Variants in WDR1 observed in about 807,000 individuals in gnomAD.
The protein encoded by WDR1 is WD repeat-containing protein 1.
In WDR1, 21 loss-of-function variants were observed where a neutral mutation model predicts 71.9. That is an observed-to-expected ratio of 0.29 (90% CI 0.21 to 0.42). The LOEUF is 0.42. WDR1 is among the 10% of genes least tolerant of loss of function. WDR1 has a pLI of 1.00. For missense variants in WDR1, 696 were observed against 824.5 expected (o/e 0.84, Z 1.91); for synonymous variants, 424 against 347.4 (o/e 1.22, Z -2.45).
intron 2 of WDR1, among the ~76,000 whole-genome samples, chr4:10,112,903 G>T (rs1489243876): frequency 6.6e-6 from 1 of 152,258 alleles, no homozygotes; most frequent in Non-Finnish European, 1.5e-5. Flanking sequence ...CCAGTTAGGG[G>T]GACAGGCAGA....
At chr4:10,082,697 C>T (rs191604874) in intron 10 of WDR1, among the ~76,000 whole-genome samples, 64 of 152,298 alleles carry the variant, frequency 4.2e-4, no homozygotes, top group Non-Finnish European at 6.9e-4. Flanking sequence ...CTCCACTGTA[C>T]CCGCCTTTAC....
At chr4:10,091,286 T>C (rs564510255) in intron 5 of WDR1, among the ~76,000 whole-genome samples, 2 of 152,254 alleles carry the variant, frequency 1.3e-5, no homozygotes, top group Non-Finnish European at 2.9e-5. Flanking sequence ...TCTTCTTTGC[T>C]TAAATGGTCT....
intron 8 of WDR1, among the ~76,000 whole-genome samples, chr4:10,084,739 A>G (rs537010597): frequency 6.6e-6 from 1 of 152,154 alleles, no homozygotes; most frequent in East Asian, 1.9e-4. Context: ...CTACCCAGTC[A>G]CCTACAGACC....
In WDR1 at chr4:10,081,360, T is replaced by C. The variant is rs1489376790; in HGVS notation, c.1281A>G (p.Gly427=). 6.2e-7 allele frequency: 1 copy of C among 1,613,616 alleles called. No homozygotes were observed. Among genetic ancestry groups the C allele is most frequent in the East Asian group, 2.2e-5 (1 of 44,880 alleles). Residue 427 remains glycine, a synonymous_variant, in exon 11 of 15, where the codon GGA becomes GGG. Coordinates refer to ENST00000499869, the MANE Select transcript of WDR1 (RefSeq NM_017491.5). ...PGGYAVVVCI[G]QIVLLKDQRK... is the part of the protein sequence containing the mutation. ...AAACACTAAGCCAGGTCCCTACCTG[T>C]CCAATGCACACGACCACGGCGTATC...
intron 8 of WDR1, among the ~76,000 whole-genome samples, chr4:10,086,574 C>G (rs1416828690): frequency 6.6e-6 from 1 of 152,180 alleles, no homozygotes; most frequent in Non-Finnish European, 1.5e-5. Flanking sequence ...CCACTGACAG[C>G]ACAGCACGGG....
At chr4:10,112,845 G>A (rs1484793081) in intron 2 of WDR1, among the ~76,000 whole-genome samples, 1 of 152,250 alleles carries the variant, frequency 6.6e-6, no homozygotes, top group Non-Finnish European at 1.5e-5. Context: ...CGAGGACACG[G>A]CAGTGACTGA....
chr4:10,101,178 C>T (rs1280707462), intron 3 of WDR1, among the ~76,000 whole-genome samples: 1 of 152,144 alleles, frequency 6.6e-6, no homozygotes, highest in Non-Finnish European at 1.5e-5. Flanking sequence ...CTGGGCCTGC[C>T]CCCGAAATGA....
chr4:10,075,273 G>C lies in WDR1; in HGVS notation c.*105C>G. ...TGGGCCCTCCTGCCTCTTGTGGTGG[G>C]GTGGGGGCATGGGGGCGCGTCACAG... On this transcript the variant is annotated 3_prime_UTR_variant, in exon 15 of 15. Coordinates refer to ENST00000499869, the MANE Select transcript of WDR1 (RefSeq NM_017491.5). 1.1e-6 allele frequency: 1 copy of C among 941,246 alleles called. No homozygotes were observed. The highest frequency in any genetic ancestry group is 1.5e-5 in the South Asian group (1 of 67,272). 58.3% of individuals were successfully genotyped at this position (941,246 alleles called of 1,614,324 possible).
At chr4:10,077,510 C>A in intron 13 of WDR1, 62 bp from the exon 14 acceptor site, 1 of 1,608,204 alleles carries the variant, frequency 6.2e-7, no homozygotes, top group Non-Finnish European at 8.5e-7. Context: ...TTGCCCATAT[C>A]ACCTCGCTTA....
chr4:10,077,231 G>T, intron 14 of WDR1, 73 bp downstream of exon 14: 3 of 1,585,920 alleles, frequency 1.9e-6, no homozygotes, highest in Non-Finnish European at 2.6e-6. Flanking sequence ...GAAGCCAGGG[G>T]ACAGCCTGTG....
At chr4:10,080,631 C>G (rs1764977992) in intron 11 of WDR1, among the ~76,000 whole-genome samples, 1 of 152,238 alleles carries the variant, frequency 6.6e-6, no homozygotes, top group Non-Finnish European at 1.5e-5. Context: ...CCTTGACTTC[C>G]CCGGTCTACA....
intron 10 of WDR1, among the ~76,000 whole-genome samples, chr4:10,081,654 G>A (rs1479416002): frequency 3.8e-5 from 4 of 104,010 alleles, no homozygotes; most frequent in Admixed American, 9.5e-5. Context: ...ATGGGGGCCC[G>A]GGGAGGGGTG....
intron 9 of WDR1, among the ~76,000 whole-genome samples, chr4:10,084,031 C>T (rs1281385022): frequency 6.6e-6 from 1 of 152,174 alleles, no homozygotes; most frequent in Non-Finnish European, 1.5e-5. Context: ...AACAAGGGGA[C>T]CCAACGTAAG....
In WDR1 at chr4:10,109,744, C is replaced by G. The variant is rs186732554; in HGVS notation, c.139-5758G>C. ...CACCCAGGGCCCACCAGGGCCTTAA[C>G]TGATGAGTTGCAAAGGTAGACCTGG... On this transcript the variant is annotated intron_variant, in intron 2 of 14. Coordinates refer to ENST00000499869, the MANE Select transcript of WDR1 (RefSeq NM_017491.5). Among the ~76,000 whole-genome samples the G allele has an allele frequency of 3.6e-4, 55 of 152,348 alleles. No homozygotes were observed. The East Asian group carries it at 0.01, about 28-fold the overall frequency.
At chr4:10,107,726 C>T (rs1713105710) in intron 2 of WDR1, among the ~76,000 whole-genome samples, 1 of 152,220 alleles carries the variant, frequency 6.6e-6, no homozygotes, top group Non-Finnish European at 1.5e-5. Flanking sequence ...TCTGCCACCA[C>T]CCCTGGAGGA....
At chr4:10,115,856 G>A (rs1041541490) in intron 2 of WDR1, 5 of 448,132 alleles carry the variant, frequency 1.1e-5, no homozygotes, top group African/African-American at 6.0e-5. Context: ...GAGGCGATCC[G>A]GCGCTTTCAG....
At chr4:10,078,793 C>A in intron 12 of WDR1, 98 bp downstream of exon 12, 1 of 1,077,236 alleles carries the variant, frequency 9.3e-7, no homozygotes, top group Non-Finnish European at 1.3e-6. Context: ...GACCCCTCGC[C>A]TTCCCTGAGA....
At chr4:10,077,150 G>T in intron 14 of WDR1, 154 bp downstream of exon 14, 3 of 1,110,574 alleles carry the variant, frequency 2.7e-6, no homozygotes, top group Middle Eastern at 3.1e-4. Flanking sequence ...GTGTTTGCTG[G>T]ATGGAAGGAG....
At position 10,116,416 on chromosome 4, in the gene WDR1, C is replaced by T. The variant is rs898547283; in HGVS notation, c.17-182G>A. ...TCCTGGTCCGCGCCCCGGGCCAGGC[C>T]CTTGGGGGCAGCGGGGCTCCTCCGG... On this transcript the variant is annotated intron_variant, in intron 1 of 14. Transcript: ENST00000499869. The T allele has an allele frequency of 5.1e-6, 5 of 977,090 alleles. No individual in the cohort carries two copies. In the East Asian group the frequency reaches 9.1e-5, roughly 18 times the overall value. 60.5% of individuals were successfully genotyped at this position (977,090 alleles called of 1,614,324 possible). A position where few individuals can be genotyped will look rare whatever the true frequency, so the allele number is the denominator to read the frequency against.
Sources: allele counts gnomAD v4.1 joint callset (sites outside exome capture counted in the v4.1 genomes callset), GRCh38; gene constraint gnomAD v4.1.1; transcripts MANE v1.5; gene names NCBI Gene and HGNC (gene_info 2026-07-23, HGNC 2026-07-21).